DNAH3: variants seen among roughly 807,000 people sequenced by gnomAD.
The protein encoded by DNAH3 is axonemal beta dynein heavy chain 3.
Under a neutral mutation model 432.5 loss-of-function variants are expected in DNAH3, and 332 were observed. The observed-to-expected ratio is 0.77, with a 90% CI of 0.70 to 0.84. The LOEUF is 0.84. Ranked by LOEUF, DNAH3 falls within the 40% of genes least tolerant of loss-of-function variation. The pLI, the probability that DNAH3 is intolerant of heterozygous loss-of-function variation, is 0.00. For missense variants in DNAH3, 4,861 were observed against 5,114.0 expected (o/e 0.95, Z 1.51); for synonymous variants, 1,956 against 1,900.2 (o/e 1.03, Z -0.76).
At chr16:20,995,964 C>T (rs1350223588) in intron 44 of DNAH3, among the ~76,000 whole-genome samples, 1 of 152,258 alleles carries the variant, frequency 6.6e-6, no homozygotes, top group Non-Finnish European at 1.5e-5. Context: ...TTCTCCTGCA[C>T]AGGTGCAGAT....
At chr16:20,963,148 G>A in intron 53 of DNAH3, 136 bp downstream of exon 53, 5 of 798,350 alleles carry the variant, frequency 6.3e-6, no homozygotes, top group Non-Finnish European at 9.8e-6. Flanking sequence ...GAGTTCCGTG[G>A]CTCCACCTCA....
exon 53 of DNAH3, chr16:20,963,314 C>T (rs1481645896): frequency 5.6e-6 from 9 of 1,613,872 alleles, no homozygotes; most frequent in Non-Finnish European, 6.8e-6. Context: ...GGAGACAACA[C>T]AAAAATCAAA....
chr16:20,997,429 C>G (rs2086809983), exon 44 of DNAH3: 1 of 1,614,110 alleles, frequency 6.2e-7, no homozygotes. Context: ...TGGCTGGGCC[C>G]CATACACCTC....
At chr16:21,019,599 A>C in intron 41 of DNAH3, 25 bp downstream of exon 41, 1 of 1,613,398 alleles carries the variant, frequency 6.2e-7, no homozygotes. Flanking sequence ...TTATACTAGA[A>C]CATAACAAAC....
chr16:21,122,115 C>A, exon 10 of DNAH3: 3 of 1,610,614 alleles, frequency 1.9e-6, no homozygotes, highest in South Asian at 1.1e-5. Flanking sequence ...TCCTTAAAAT[C>A]ATTCCCATCC....
At chr16:21,158,006 A>T (rs1022707393) in intron 1 of DNAH3, among the ~76,000 whole-genome samples, 4 of 152,060 alleles carry the variant, frequency 2.6e-5, no homozygotes, top group African/African-American at 9.7e-5. Flanking sequence ...AAACAGAATT[A>T]TTCCGCCCCA....
intron 44 of DNAH3, among the ~76,000 whole-genome samples, chr16:20,995,501 G>T (rs566824770): frequency 4.3e-4 from 66 of 152,208 alleles, no homozygotes; most frequent in Non-Finnish European, 6.9e-4. Flanking sequence ...GGCCTCTTGA[G>T]ATCTGCCCAC....
At chr16:21,026,926 G>T in intron 38 of DNAH3, 101 bp downstream of exon 38, 2 of 776,090 alleles carry the variant, frequency 2.6e-6, no homozygotes, top group Non-Finnish European at 4.4e-6. Flanking sequence ...TAGATGATCT[G>T]CGAGGGCTTC....
intron 28 of DNAH3, among the ~76,000 whole-genome samples, chr16:21,052,330 C>G (rs1304971877): frequency 1.3e-5 from 2 of 152,222 alleles, no homozygotes; most frequent in African/African-American, 2.4e-5. Context: ...TTGCCCACCC[C>G]CAACCTGCAG....
At position 21,122,125 on chromosome 16, in the gene DNAH3, C is replaced by T. The variant is rs2092356376; in HGVS notation, c.1405-1G>A. 2.5e-6 allele frequency: 4 copies of T among 1,606,168 alleles called. No homozygotes were observed. Among genetic ancestry groups the T allele is most frequent in the Non-Finnish European group, 3.4e-6 (4 of 1,177,134 alleles). On this transcript the variant is annotated splice_acceptor_variant, in intron 9 of 61. Transcript: ENST00000261383. LOFTEE classifies it high-confidence loss of function. ...AGGGCTCCTTAAAATCATTCCCATC[C>T]TTCAGGAGACATAAGGTAGGGCAAG... is the stretch of plus-strand genomic sequence containing the variant.
At chr16:21,086,001 T>C (rs995044698) in intron 19 of DNAH3, among the ~76,000 whole-genome samples, 6 of 152,150 alleles carry the variant, frequency 3.9e-5, no homozygotes, top group African/African-American at 1.4e-4. Flanking sequence ...CAAACTATCC[T>C]CCTGCCTCAG....
intron 57 of DNAH3, among the ~76,000 whole-genome samples, chr16:20,945,237 G>T (rs1194276840): frequency 6.6e-6 from 1 of 152,146 alleles, no homozygotes; most frequent in Non-Finnish European, 1.5e-5. Flanking sequence ...TAATTATAAT[G>T]CATTAGCATG....
At chr16:21,058,884 G>A (rs1319534310) in intron 26 of DNAH3, among the ~76,000 whole-genome samples, 1 of 152,160 alleles carries the variant, frequency 6.6e-6, no homozygotes, top group Non-Finnish European at 1.5e-5. Context: ...AATACCTAAT[G>A]CATGCGGGGC....
chr16:21,122,005 G>T lies in DNAH3; in HGVS notation c.1524C>A (p.Cys508Ter). The change falls in exon 10 of 62, where the codon TGC (cysteine) becomes TGA (stop). Residue 508 changes from cysteine to a stop codon, truncating the protein, a stop_gained. Transcript: ENST00000261383. LOFTEE classifies it high-confidence loss of function. Reference sequence around the variant, plus strand: ...GGAAAGAGTCACGTATTAATTCCCAGCAGCCATCAAAAGATGGATTGAAGA... The same window carrying T: ...GGAAAGAGTCACGTATTAATTCCCATCAGCCATCAAAAGATGGATTGAAGA... The T allele has an allele frequency of 6.2e-7, 1 of 1,613,790 alleles. No individual in the cohort carries two copies. Among genetic ancestry groups the T allele is most frequent in the Non-Finnish European group, 8.5e-7 (1 of 1,179,836 alleles).
At chr16:21,064,895 G>GTGTGTGTGTC (rs2090490442) in intron 24 of DNAH3, among the ~76,000 whole-genome samples, 1 of 146,966 alleles carries the variant, frequency 6.8e-6, no homozygotes, top group Non-Finnish European at 1.5e-5. Context: ...GTGTGTGTGT[G>GTGTGTGTGTC]TGTGTGTTTA....
At chr16:20,989,512 T>C (rs1315422087) in intron 44 of DNAH3, among the ~76,000 whole-genome samples, 2 of 152,238 alleles carry the variant, frequency 1.3e-5, no homozygotes, top group Non-Finnish European at 2.9e-5. Flanking sequence ...TTGGTGTGTT[T>C]ACAATCCCTG....
intron 32 of DNAH3, among the ~76,000 whole-genome samples, 191 bp downstream of exon 32, chr16:21,041,836 C>T (rs2089457367): frequency 6.6e-6 from 1 of 152,114 alleles, no homozygotes. Flanking sequence ...CCATGCCCGG[C>T]TAATTTTTGT....
At chr16:21,092,147 G>T (rs1438935205) in intron 18 of DNAH3, among the ~76,000 whole-genome samples, 1 of 152,142 alleles carries the variant, frequency 6.6e-6, no homozygotes, top group Non-Finnish European at 1.5e-5. Context: ...AAAAGATCCA[G>T]AATAGCCAAC....
chr16:20,938,139 C>T (rs1055629123), intron 59 of DNAH3, among the ~76,000 whole-genome samples: 1 of 152,138 alleles, frequency 6.6e-6, no homozygotes, highest in African/African-American at 2.4e-5. Flanking sequence ...CGCCTGTAAT[C>T]CCAGCACTTT....
Sources: allele counts gnomAD v4.1 joint callset (sites outside exome capture counted in the v4.1 genomes callset), GRCh38; gene constraint gnomAD v4.1.1; transcripts MANE v1.5; gene names NCBI Gene and HGNC (gene_info 2026-07-23, HGNC 2026-07-21).